TNFRSF19: variants seen among roughly 807,000 people sequenced by gnomAD.
TNFRSF19 encodes the protein TNF receptor superfamily member 19.
In TNFRSF19, 27 loss-of-function variants were observed where a neutral mutation model predicts 46.4. The observed-to-expected ratio is 0.58, with a 90% CI of 0.43 to 0.80. TNFRSF19 has a LOEUF of 0.80. Among genes scored for constraint, TNFRSF19 ranks in the 30% least tolerant of loss-of-function variants. The pLI is 0.00. For missense variants in TNFRSF19, 511 were observed against 530.8 expected (o/e 0.96, Z 0.37); for synonymous variants, 204 against 205.0 (o/e 1.00, Z 0.04).
intron 3 of TNFRSF19, among the ~76,000 whole-genome samples, chr13:23,614,323 G>A (rs796432743): frequency 2.0e-5 from 3 of 152,302 alleles, no homozygotes; most frequent in South Asian, 2.1e-4. Context: ...TGATTCCTCC[G>A]AATCCTTTGT....
At chr13:23,637,594 T>C (rs2138326040) in intron 5 of TNFRSF19, among the ~76,000 whole-genome samples, 1 of 152,376 alleles carries the variant, frequency 6.6e-6, no homozygotes, top group East Asian at 1.9e-4. Flanking sequence ...GGAAGCACTG[T>C]CTAAATCCAG....
intron 5 of TNFRSF19, among the ~76,000 whole-genome samples, chr13:23,639,354 C>T (rs1028015977): frequency 2.0e-5 from 3 of 152,172 alleles, no homozygotes; most frequent in Non-Finnish European, 4.4e-5. Context: ...GATCATGCCA[C>T]TGCACTCCAG....
In TNFRSF19 at chr13:23,629,387, G is replaced by A. The variant is rs79859752; in HGVS notation, c.445+2595G>A. On this transcript the variant is annotated intron_variant, in intron 5 of 9. Coordinates refer to ENST00000248484, the MANE Select transcript of TNFRSF19 (RefSeq NM_148957.4). Reference sequence around the variant, plus strand: ...CTCTACAGCAGCTCTCTGGGTCTGCGGGGCTGTCTGTCCTAACCTAATGGG... The same window carrying A: ...CTCTACAGCAGCTCTCTGGGTCTGCAGGGCTGTCTGTCCTAACCTAATGGG... 7.5e-3 allele frequency among the ~76,000 whole-genome samples: 1,143 copies of A among 152,236 alleles called. 9 individuals carry two copies. The highest frequency in any genetic ancestry group is 0.026 in the African/African-American group (1,071 of 41,538).
intron 5 of TNFRSF19, among the ~76,000 whole-genome samples, chr13:23,656,040 T>C (rs1883964216): frequency 6.6e-6 from 1 of 152,280 alleles, no homozygotes; most frequent in Non-Finnish European, 1.5e-5. Flanking sequence ...AAGAAGGCAG[T>C]TTCCAGAGCC....
chr13:23,633,388 ATGAAGTC>A (rs1260626890), intron 5 of TNFRSF19, among the ~76,000 whole-genome samples: 1 of 152,144 alleles, frequency 6.6e-6, no homozygotes, highest in Non-Finnish European at 1.5e-5. Flanking sequence ...ACACCTGACC[ATGAAGTC>A]TTTTTCAAGA....
intron 1 of TNFRSF19, among the ~76,000 whole-genome samples, chr13:23,582,729 C>T (rs1878543470): frequency 6.6e-6 from 1 of 152,188 alleles, no homozygotes. Flanking sequence ...TTGCCCTCTT[C>T]AAGCCCCTGA....
At chr13:23,590,764 ATTATC>A (rs1879217978) in intron 2 of TNFRSF19, among the ~76,000 whole-genome samples, 1 of 152,252 alleles carries the variant, frequency 6.6e-6, no homozygotes, top group Non-Finnish European at 1.5e-5. Context: ...AATTGTTGAA[ATTATC>A]TTATTTAAAT....
chr13:23,616,092 T>C (rs1881267812), intron 4 of TNFRSF19, 47 bp downstream of exon 4: 1 of 1,537,962 alleles, frequency 6.5e-7, no homozygotes, highest in Non-Finnish European at 8.8e-7. Context: ...ATTAAGTAAC[T>C]TTTAAAAAGG....
chr13:23,593,521 C>A lies in TNFRSF19; in HGVS notation c.180+66C>A, dbSNP rs112977566. On this transcript the variant is annotated intron_variant, in intron 3 of 9. Coordinates refer to ENST00000248484, the MANE Select transcript of TNFRSF19 (RefSeq NM_148957.4). ...AAAATGCATTCGTCTTAACTCAATT[C>A]TTTGAGTTAATTATTAATGAAACTT... is the stretch of plus-strand genomic sequence containing the variant. The A allele has an allele frequency of 3.3e-5, 35 of 1,065,408 alleles. 1 individual carries two copies. The highest frequency in any genetic ancestry group is 2.8e-4 in the African/African-American group (17 of 61,472). 66.0% of individuals were successfully genotyped at this position (1,065,408 alleles called of 1,614,324 possible).
chr13:23,634,728 C>T (rs1463248992), intron 5 of TNFRSF19, among the ~76,000 whole-genome samples: 3 of 152,248 alleles, frequency 2.0e-5, no homozygotes, highest in Non-Finnish European at 4.4e-5. Flanking sequence ...GGCTCTATCA[C>T]TCCTTTTTGT....
In TNFRSF19 at chr13:23,659,518, T is replaced by G. The variant is rs1009078931; in HGVS notation, c.610+304T>G. Among the ~76,000 whole-genome samples, 5 of 152,108 alleles carry G rather than the reference T, an allele frequency of 3.3e-5. No individual in the cohort carries two copies. The highest frequency in any genetic ancestry group is 1.2e-4 in the African/African-American group (5 of 41,416). On this transcript the variant is annotated intron_variant, in intron 6 of 9. Coordinates refer to ENST00000248484, the MANE Select transcript of TNFRSF19 (RefSeq NM_148957.4). The surrounding 1 kb of genome is among the most constrained non-coding windows in gnomAD (Gnocchi z 4.9). ...ATTATATGTTTCTTTGTTTTTTTGT[T>G]TTTTTGGAGACAGAGTCTGGCTCTG...
chr13:23,599,125 G>A (rs897492550), intron 3 of TNFRSF19, among the ~76,000 whole-genome samples: 3 of 152,236 alleles, frequency 2.0e-5, no homozygotes, highest in Non-Finnish European at 2.9e-5. Flanking sequence ...CAAAGTCTGT[G>A]TGATATCTCA....
chr13:23,646,103 C>T (rs1883312802), intron 5 of TNFRSF19, among the ~76,000 whole-genome samples: 1 of 152,140 alleles, frequency 6.6e-6, no homozygotes, highest in Non-Finnish European at 1.5e-5. Context: ...AATCTTAACC[C>T]AAGCCATCAC....
intron 5 of TNFRSF19, among the ~76,000 whole-genome samples, chr13:23,645,215 AT>A (rs1300153522): frequency 6.6e-6 from 1 of 152,054 alleles, no homozygotes; most frequent in African/African-American, 2.4e-5. Context: ...GCCTACCTTT[AT>A]TTTTTTGAGA....
intron 4 of TNFRSF19, among the ~76,000 whole-genome samples, chr13:23,624,312 A>G: frequency 6.6e-6 from 1 of 150,500 alleles, no homozygotes; most frequent in East Asian, 1.9e-4. Flanking sequence ...ATCAGGAAGT[A>G]TGAGTCCTCG....
intron 4 of TNFRSF19, 30 bp from the exon 5 acceptor site, chr13:23,626,677 T>C (rs1448187846): frequency 4.4e-6 from 7 of 1,606,186 alleles, no homozygotes; most frequent in Middle Eastern, 1.7e-4. Flanking sequence ...ATGAAAGAGT[T>C]AACAAGGAGT....
At position 23,633,044 on chromosome 13, in the gene TNFRSF19, C is replaced by T. The variant is rs149694223; in HGVS notation, c.445+6252C>T. ...CTAATACCCCTTAGTATGATAATTA[C>T]AGTTCTTATTATTATTCTGGACCCC... On this transcript the variant is annotated intron_variant, in intron 5 of 9. Transcript: ENST00000248484. Among the ~76,000 whole-genome samples, 1,176 of 151,618 alleles carry T rather than the reference C, an allele frequency of 7.8e-3. 16 individuals are homozygous for T. The highest frequency in any genetic ancestry group is 0.026 in the African/African-American group (1,091 of 41,404).
intron 5 of TNFRSF19, among the ~76,000 whole-genome samples, chr13:23,630,429 G>A (rs1057228876): frequency 1.3e-5 from 2 of 152,012 alleles, no homozygotes; most frequent in Admixed American, 1.3e-4. Context: ...GAGGCCTCTG[G>A]CCCTACCCCC....
At chr13:23,652,901 A>C (rs1197488735) in intron 5 of TNFRSF19, among the ~76,000 whole-genome samples, 2 of 152,238 alleles carry the variant, frequency 1.3e-5, no homozygotes, top group Non-Finnish European at 2.9e-5. Flanking sequence ...ATAGATGTTA[A>C]AAATACAAGC....
Sources: gnomAD v4.1 joint callset for allele counts (sites outside exome capture counted in the v4.1 genomes callset) on GRCh38, gnomAD v4.1.1 for gene constraint, Gnocchi (gnomAD v3.1) non-coding constraint, MANE v1.5 for transcripts, NCBI Gene and HGNC (gene_info 2026-07-23, HGNC 2026-07-21) for gene names.